Variants in ATP2A2 observed in about 807,000 individuals in gnomAD.
ATP2A2 encodes sarcoplasmic/endoplasmic reticulum calcium ATPase 2.
ATP2A2 carries 14 observed loss-of-function variants against 109.3 expected under a neutral mutation model. The ratio of observed to expected loss-of-function variants is 0.13; its 90% confidence interval spans 0.08 to 0.20. ATP2A2 has a LOEUF of 0.20. Ranked by LOEUF, ATP2A2 falls within the 10% of genes least tolerant of loss-of-function variation. ATP2A2 has a pLI of 1.00. For synonymous variants in ATP2A2, 506 were observed against 490.9 expected (o/e 1.03, Z -0.41); for missense variants, 657 against 1,321.6 (o/e 0.50, Z 7.80).
intron 4 of ATP2A2, among the ~76,000 whole-genome samples, chr12:110,295,104 C>T (rs1873825386): frequency 6.6e-6 from 1 of 152,122 alleles, no homozygotes; most frequent in Non-Finnish European, 1.5e-5. Flanking sequence ...CAGGTGTGAG[C>T]CACCATGCCC....
chr12:110,282,955 A>G (rs1872300557), intron 3 of ATP2A2, among the ~76,000 whole-genome samples, 160 bp downstream of exon 3: 1 of 152,224 alleles, frequency 6.6e-6, no homozygotes, highest in Non-Finnish European at 1.5e-5. Context: ...ATTACAAAAC[A>G]AAACACTTGA....
At chr12:110,306,990 C>G (rs1238559108) in intron 5 of ATP2A2, among the ~76,000 whole-genome samples, 1 of 151,506 alleles carries the variant, frequency 6.6e-6, no homozygotes, top group African/African-American at 2.4e-5. Flanking sequence ...AATTCCTGGG[C>G]TCAAGTGATT....
chr12:110,319,951 G>C (rs1294473220), intron 5 of ATP2A2, among the ~76,000 whole-genome samples: 2 of 152,038 alleles, frequency 1.3e-5, no homozygotes, highest in Non-Finnish European at 2.9e-5. Flanking sequence ...AGTTTTTTGT[G>C]TAGAGATGTT....
rs77772702 is a variant in ATP2A2 at position 110,348,411 on chromosome 12, C to G, written c.*1941C>G. 9,609 of 985,466 alleles carry G rather than the reference C, an allele frequency of 9.8e-3. 45 individuals carry two copies. Among genetic ancestry groups the G allele is most frequent in the Non-Finnish European group, 0.01 (8,657 of 830,018 alleles). 61.0% of individuals were successfully genotyped at this position (985,466 alleles called of 1,614,324 possible). A position where few individuals can be genotyped will look rare whatever the true frequency, so the allele number is the denominator to read the frequency against. The stretch of plus-strand genomic sequence containing the variant: ...GGTGTGAGGCCTCGACTATATTCTT[C>G]AAAATGTACTTAGGCTCTGGTTACT... On this transcript the variant is annotated 3_prime_UTR_variant, in exon 20 of 20. Transcript: ENST00000539276.
At chr12:110,293,268 G>A (rs967949399) in intron 4 of ATP2A2, among the ~76,000 whole-genome samples, 3 of 150,568 alleles carry the variant, frequency 2.0e-5, no homozygotes, top group Non-Finnish European at 4.4e-5. Context: ...TAGAGACGGG[G>A]TTTCACCATC....
chr12:110,349,454 A>C lies in ATP2A2; in HGVS notation c.*2984A>C. The C allele has an allele frequency of 6.1e-6, 6 of 985,488 alleles. No homozygotes were observed. Among genetic ancestry groups the C allele is most frequent in the Non-Finnish European group, 7.2e-6 (6 of 829,970 alleles). 61.0% of individuals were successfully genotyped at this position (985,488 alleles called of 1,614,324 possible). A position where few individuals can be genotyped will look rare whatever the true frequency, so the allele number is the denominator to read the frequency against. On this transcript the variant is annotated 3_prime_UTR_variant, in exon 20 of 20. Coordinates refer to ENST00000539276, the MANE Select transcript of ATP2A2 (RefSeq NM_170665.4). ...CTGAGCTTTGCCCAGAAGACCAACA[A>C]TCATACATACCCTAACTGGGACACC...
chr12:110,302,660 C>T (rs183472704), intron 5 of ATP2A2, among the ~76,000 whole-genome samples: 6 of 151,872 alleles, frequency 4.0e-5, no homozygotes, highest in East Asian at 3.9e-4. Flanking sequence ...AATGCAGTAG[C>T]GTGATCTCGG....
rs935418655 is a variant in ATP2A2 at position 110,345,394 on chromosome 12, T to C, written c.2741+12T>C. 1.2e-6 allele frequency: 2 copies of C among 1,614,208 alleles called. No homozygotes were observed. Among genetic ancestry groups the C allele is most frequent in the East Asian group, 2.2e-5 (1 of 44,882 alleles). On this transcript the variant is annotated intron_variant, in intron 18 of 19. Transcript: ENST00000539276. ...AACGCCCTCAACAGGTTAGTGCACC[T>C]TCACGGCAGGCTGAGGCGAGCATGG...
chr12:110,311,043 T>G (rs981762089), intron 5 of ATP2A2, among the ~76,000 whole-genome samples: 2 of 152,258 alleles, frequency 1.3e-5, no homozygotes, highest in African/African-American at 2.4e-5. Context: ...CAAGGAGCTT[T>G]CTTGCTCTAA....
intron 5 of ATP2A2, 96 bp from the exon 6 acceptor site, chr12:110,322,896 A>G: frequency 1.1e-6 from 1 of 928,536 alleles, no homozygotes; most frequent in Non-Finnish European, 1.8e-6. Flanking sequence ...CAGATCATTT[A>G]TTTTCTTTAA....
intron 16 of ATP2A2, 30 bp downstream of exon 16, chr12:110,343,464 T>C: frequency 6.2e-7 from 1 of 1,610,174 alleles, no homozygotes; most frequent in Non-Finnish European, 8.5e-7. Flanking sequence ...ATTACTGATT[T>C]TTAAACAAAA....
chr12:110,323,436 C>A (rs558543878), intron 6 of ATP2A2, among the ~76,000 whole-genome samples: 1 of 152,104 alleles, frequency 6.6e-6, no homozygotes, highest in Non-Finnish European at 1.5e-5. Flanking sequence ...CCACCTGCCT[C>A]GGCCTCCCAA....
At chr12:110,328,888 C>A (rs1404877241) in intron 8 of ATP2A2, among the ~76,000 whole-genome samples, 2 of 152,184 alleles carry the variant, frequency 1.3e-5, no homozygotes, top group East Asian at 3.8e-4. Flanking sequence ...TTTTCCTGAT[C>A]CTCTGTCTCT....
At chr12:110,317,764 G>A (rs909823828) in intron 5 of ATP2A2, among the ~76,000 whole-genome samples, 1 of 152,176 alleles carries the variant, frequency 6.6e-6, no homozygotes, top group African/African-American at 2.4e-5. Context: ...ATAAACGTTT[G>A]CATGGAGTTC....
intron 8 of ATP2A2, chr12:110,330,227 T>A (rs1016602988): frequency 6.6e-6 from 1 of 152,234 alleles, no homozygotes; most frequent in Non-Finnish European, 1.5e-5. Context: ...AATTTTTATC[T>A]TGCCAATTTT....
intron 5 of ATP2A2, among the ~76,000 whole-genome samples, chr12:110,297,597 AT>A: frequency 6.6e-6 from 1 of 151,836 alleles, no homozygotes; most frequent in African/African-American, 2.4e-5. Flanking sequence ...ACTGCTGTAG[AT>A]TAGTGCTGTT....
intron 17 of ATP2A2, 48 bp downstream of exon 17, chr12:110,345,019 G>A (rs1421926536): frequency 1.3e-6 from 2 of 1,586,910 alleles, no homozygotes; most frequent in East Asian, 2.2e-5. Flanking sequence ...AGTGTTGTGA[G>A]GCCTTGACCT....
chr12:110,301,394 C>G (rs1874621312), intron 5 of ATP2A2, among the ~76,000 whole-genome samples: 3 of 152,186 alleles, frequency 2.0e-5, no homozygotes, highest in South Asian at 4.1e-4. Context: ...TGATTCTTGC[C>G]AGTCCTTCCC....
chr12:110,313,746 T>C (rs1449220514), intron 5 of ATP2A2, among the ~76,000 whole-genome samples: 3 of 147,838 alleles, frequency 2.0e-5, no homozygotes, highest in Non-Finnish European at 4.5e-5. Flanking sequence ...GTCTCGGCTC[T>C]GTCACCCAGG....
Sources: gnomAD v4.1 joint callset for allele counts (sites outside exome capture counted in the v4.1 genomes callset) on GRCh38, gnomAD v4.1.1 for gene constraint, MANE v1.5 for transcripts, NCBI Gene and HGNC (gene_info 2026-07-23, HGNC 2026-07-21) for gene names.